PRKN: variants seen among roughly 807,000 people sequenced by gnomAD.
The protein encoded by PRKN is parkin RBR E3 ubiquitin protein ligase, also known as E3 ubiquitin-protein ligase parkin.
PRKN carries 56 observed loss-of-function variants against 59.5 expected under a neutral mutation model. The ratio of observed to expected loss-of-function variants is 0.94; its 90% CI spans 0.76 to 1.18. PRKN has a LOEUF of 1.18. PRKN is among the 50% of genes most tolerant of loss of function. PRKN has a pLI of 0.00. For synonymous variants in PRKN, 250 were observed against 222.1 expected (o/e 1.13, Z -1.12); for missense variants, 657 against 596.4 (o/e 1.10, Z -1.06).
chr6:162,414,081 G>C (rs967919403), intron 2 of PRKN, among the ~76,000 whole-genome samples: 1 of 152,148 alleles, frequency 6.6e-6, no homozygotes, highest in East Asian at 1.9e-4. Context: ...TACTCGGGAG[G>C]CTGAAGCAGG....
intron 4 of PRKN, among the ~76,000 whole-genome samples, chr6:162,191,650 T>C (rs1583176581): frequency 1.3e-5 from 2 of 152,214 alleles, no homozygotes; most frequent in South Asian, 2.1e-4. Flanking sequence ...ACCATGTTGG[T>C]GAGGCTCGTC....
chr6:161,907,880 C>A (rs1213111872), intron 6 of PRKN, among the ~76,000 whole-genome samples: 1 of 152,142 alleles, frequency 6.6e-6, no homozygotes, highest in Non-Finnish European at 1.5e-5. Context: ...GAGTTCAAAA[C>A]CAGCCTGGCC....
Position 161,575,083 on chromosome 6 carries a change from C to T in PRKN, c.872-5667G>A, listed in dbSNP as rs1016078899. ...TTTTTCCTCTAGTTATTAAACCCAT[C>T]ACTCAACTGTTGCCTGTGTTTTCTA... On this transcript the variant is annotated intron_variant, in intron 7 of 11. Coordinates refer to ENST00000366898, the MANE Select transcript of PRKN (RefSeq NM_004562.3). This position sits in a 1 kb window ranked among gnomAD's most constrained non-coding sequence, Gnocchi z 4.6. Among the ~76,000 whole-genome samples the T allele has an allele frequency of 6.6e-6, 1 of 152,210 alleles. No individual in the cohort carries two copies. Among genetic ancestry groups the T allele is most frequent in the Admixed American group, 6.5e-5 (1 of 15,284 alleles).
intron 7 of PRKN, among the ~76,000 whole-genome samples, chr6:161,583,156 T>A (rs1384996740): frequency 6.6e-6 from 1 of 152,198 alleles, no homozygotes; most frequent in Non-Finnish European, 1.5e-5. Context: ...CATGCCTTAC[T>A]TTTTTTCTTT....
At chr6:162,315,705 T>C (rs962249796) in intron 2 of PRKN, among the ~76,000 whole-genome samples, 2 of 152,130 alleles carry the variant, frequency 1.3e-5, no homozygotes, top group Admixed American at 6.6e-5. Context: ...TTAGAAGACA[T>C]AAGTCTTTTT....
At chr6:162,558,332 T>G (rs1276860519) in intron 1 of PRKN, among the ~76,000 whole-genome samples, 1 of 150,812 alleles carries the variant, frequency 6.6e-6, no homozygotes, top group Non-Finnish European at 1.5e-5. Context: ...TTTCCCTTTT[T>G]TTTTTTTTTT....
intron 9 of PRKN, among the ~76,000 whole-genome samples, chr6:161,422,357 C>T (rs1583046987): frequency 6.6e-6 from 1 of 152,000 alleles, no homozygotes; most frequent in Non-Finnish European, 1.5e-5. Flanking sequence ...CACCACCACA[C>T]CCAGCTACTT....
intron 9 of PRKN, among the ~76,000 whole-genome samples, chr6:161,479,455 A>T (rs190151713): frequency 2.6e-4 from 39 of 152,266 alleles, no homozygotes. Flanking sequence ...ATAATAATAC[A>T]TTTATATTTT....
At chr6:162,450,980 A>G (rs1790597656) in intron 1 of PRKN, among the ~76,000 whole-genome samples, 1 of 152,158 alleles carries the variant, frequency 6.6e-6, no homozygotes, top group African/African-American at 2.4e-5. Flanking sequence ...TCCCTGTACT[A>G]TTTTTGCATC....
At chr6:161,824,352 G>A (rs537564662) in intron 6 of PRKN, among the ~76,000 whole-genome samples, 1 of 152,278 alleles carries the variant, frequency 6.6e-6, no homozygotes, top group East Asian at 1.9e-4. Context: ...GTTCATTTTG[G>A]CCAAGAATAT....
chr6:162,566,219 T>C (rs1780071796), intron 1 of PRKN, among the ~76,000 whole-genome samples: 1 of 152,016 alleles, frequency 6.6e-6, no homozygotes, highest in Non-Finnish European at 1.5e-5. Context: ...GACTTAATCT[T>C]CATGATAGCC....
chr6:162,193,175 G>C (rs1466608140), intron 4 of PRKN, among the ~76,000 whole-genome samples: 1 of 152,110 alleles, frequency 6.6e-6, no homozygotes, highest in Non-Finnish European at 1.5e-5. Context: ...CATTTCTCTA[G>C]ACTTTAATTA....
intron 6 of PRKN, among the ~76,000 whole-genome samples, chr6:161,879,824 C>A (rs1486370495): frequency 6.6e-6 from 1 of 152,122 alleles, no homozygotes; most frequent in Non-Finnish European, 1.5e-5. Context: ...AGTAAAATCA[C>A]ACCATTTTAC....
At chr6:161,648,911 A>G (rs1391172155) in intron 7 of PRKN, among the ~76,000 whole-genome samples, 1 of 152,208 alleles carries the variant, frequency 6.6e-6, no homozygotes, top group Non-Finnish European at 1.5e-5. Context: ...GGAATAAAGC[A>G]ATTAATTCAG....
intron 3 of PRKN, among the ~76,000 whole-genome samples, chr6:162,252,893 A>C (rs532697603): frequency 6.6e-6 from 1 of 152,372 alleles, no homozygotes; most frequent in South Asian, 2.1e-4. Flanking sequence ...TGAATAAACA[A>C]ATGTTGTTTT....
At chr6:162,429,182 C>A (rs1304958692) in intron 2 of PRKN, among the ~76,000 whole-genome samples, 1 of 152,128 alleles carries the variant, frequency 6.6e-6, no homozygotes, top group Non-Finnish European at 1.5e-5. Context: ...TAAACAAAAG[C>A]CATCTAGAAC....
Position 161,396,862 on chromosome 6 carries a change from A to G in PRKN, c.1084-9985T>C, listed in dbSNP as rs1423797240. ...AGGCCAGCTTTGGAAAGAGGCCTGAACATGTTTGGGGACACCCTGCCAGCA... is the reference window on the plus strand; with the variant it reads ...AGGCCAGCTTTGGAAAGAGGCCTGAGCATGTTTGGGGACACCCTGCCAGCA... On this transcript the variant is annotated intron_variant, in intron 9 of 11. Transcript: ENST00000366898. The surrounding 1 kb of genome is among the most constrained non-coding windows in gnomAD (Gnocchi z 5.4). 2.0e-5 allele frequency among the ~76,000 whole-genome samples: 3 copies of G among 152,202 alleles called. No homozygotes were observed. Among genetic ancestry groups the G allele is most frequent in the African/African-American group, 7.2e-5 (3 of 41,436 alleles).
At chr6:162,375,693 T>C (rs758329463) in intron 2 of PRKN, among the ~76,000 whole-genome samples, 10 of 151,210 alleles carry the variant, frequency 6.6e-5, no homozygotes, top group Non-Finnish European at 1.0e-4. Context: ...GTTTTGAAAA[T>C]TCCTTAGTAC....
chr6:162,509,077 A>G (rs879399922), intron 1 of PRKN, among the ~76,000 whole-genome samples: 1 of 152,172 alleles, frequency 6.6e-6, no homozygotes, highest in Non-Finnish European at 1.5e-5. Context: ...ATAAATACTC[A>G]TGATGCTTTG....
Sources: allele counts gnomAD v4.1 joint callset (sites outside exome capture counted in the v4.1 genomes callset), GRCh38; gene constraint gnomAD v4.1.1; non-coding constraint Gnocchi (gnomAD v3.1); transcripts MANE v1.5; gene names NCBI Gene and HGNC (gene_info 2026-07-23, HGNC 2026-07-21).